Variants in DAPK2 observed in about 807,000 individuals in gnomAD.
DAPK2 encodes death-associated protein kinase 2.
DAPK2 carries 35 observed loss-of-function variants against 44.1 expected under a neutral mutation model. The observed-to-expected ratio is 0.79, with a 90% CI of 0.61 to 1.05. The LOEUF (loss-of-function observed/expected upper bound fraction) is 1.05, where lower values mean the gene tolerates loss of function less well. Among genes scored for constraint, DAPK2 ranks in the 50% least tolerant of loss-of-function variants. The pLI is 0.00. For synonymous variants in DAPK2, 174 were observed against 182.6 expected (o/e 0.95, Z 0.38); for missense variants, 453 against 483.2 (o/e 0.94, Z 0.59).
chr15:64,010,330 T>C (rs181531492), intron 1 of DAPK2, among the ~76,000 whole-genome samples: 1 of 152,182 alleles, frequency 6.6e-6, no homozygotes, highest in Non-Finnish European at 1.5e-5. Flanking sequence ...CCTATAAATA[T>C]CATTTTTAAC....
At chr15:63,940,606 G>T (rs757433690) in intron 3 of DAPK2, among the ~76,000 whole-genome samples, 1 of 152,108 alleles carries the variant, frequency 6.6e-6, no homozygotes, top group Non-Finnish European at 1.5e-5. Flanking sequence ...CAGCTGCTCG[G>T]GAGGCTGAGG....
intron 1 of DAPK2, among the ~76,000 whole-genome samples, chr15:63,993,749 TCA>T (rs1285222388): frequency 2.6e-5 from 4 of 152,104 alleles, no homozygotes; most frequent in Non-Finnish European, 4.4e-5. Context: ...CCTTGGGGCC[TCA>T]GTTTTCTCAT....
At chr15:64,028,302 G>C (rs903522337) in intron 1 of DAPK2, among the ~76,000 whole-genome samples, 1 of 152,178 alleles carries the variant, frequency 6.6e-6, no homozygotes, top group Non-Finnish European at 1.5e-5. Flanking sequence ...CAAGTGATCT[G>C]CCTGCCTTAG....
chr15:63,948,269 T>C, intron 3 of DAPK2, among the ~76,000 whole-genome samples: 1 of 4,968 alleles, frequency 2.0e-4, no homozygotes, highest in Non-Finnish European at 4.2e-4. Context: ...AGACTCCATC[T>C]CAAAAAAAAA....
intron 1 of DAPK2, among the ~76,000 whole-genome samples, chr15:64,037,233 G>A (rs1028911908): frequency 1.3e-5 from 2 of 151,984 alleles, no homozygotes; most frequent in South Asian, 2.1e-4. Context: ...TGCTTGCCCC[G>A]GCCTGCTTTC....
Position 63,916,921 on chromosome 15 carries a change from C to T in DAPK2, c.859-4724G>A, listed in dbSNP as rs1175837948. On this transcript the variant is annotated intron_variant, in intron 8 of 10. Coordinates refer to ENST00000261891, the Ensembl canonical transcript of DAPK2. This position sits in a 1 kb window ranked among gnomAD's most constrained non-coding sequence, Gnocchi z 4.7. ...GTAGCAACCAAATGCCACATGTGGA[C>T]TGTTTGGATCCTGATTTGAACAAAC... The T allele has an allele frequency of 6.6e-6, 1 of 152,190 alleles. No individual in the cohort carries two copies. Among genetic ancestry groups the T allele is most frequent in the African/African-American group, 2.4e-5 (1 of 41,432 alleles). The allele number at this position is 152,190 out of a possible 1,614,324, so 9.4% of individuals were successfully genotyped here.
In DAPK2 at chr15:63,966,189, T is replaced by C. The variant is rs143804970; in HGVS notation, c.453+5234A>G. 1.7e-3 allele frequency among the ~76,000 whole-genome samples: 264 copies of C among 152,336 alleles called. 2 individuals carry two copies. Among genetic ancestry groups the C allele is most frequent in the Middle Eastern group, 6.8e-3 (2 of 294 alleles). ...GGTCCTTCCCTTCAAGGCAGTGGAT[T>C]CCCTTCTGGCTCAGAGAGTGTCTAG... On this transcript the variant is annotated intron_variant, in intron 3 of 10. Transcript: ENST00000261891. The surrounding 1 kb of genome is among the most constrained non-coding windows in gnomAD (Gnocchi z 5.5).
intron 1 of DAPK2, among the ~76,000 whole-genome samples, chr15:64,004,737 C>T (rs544022501): frequency 6.6e-6 from 1 of 152,166 alleles, no homozygotes; most frequent in African/African-American, 2.4e-5. Context: ...GGCTCCAGGG[C>T]ACACATACAA....
At chr15:64,012,444 A>G (rs1444221094) in intron 1 of DAPK2, among the ~76,000 whole-genome samples, 3 of 152,246 alleles carry the variant, frequency 2.0e-5, no homozygotes, top group Non-Finnish European at 4.4e-5. Context: ...TACTTGGCAG[A>G]CAGCAGATGA....
At chr15:64,032,823 T>A (rs1332892730) in intron 1 of DAPK2, among the ~76,000 whole-genome samples, 1 of 152,000 alleles carries the variant, frequency 6.6e-6, no homozygotes, top group Non-Finnish European at 1.5e-5. Flanking sequence ...TGGTGGTTCA[T>A]GACTGTAATC....
chr15:63,964,089 T>C (rs1043208592), intron 3 of DAPK2, among the ~76,000 whole-genome samples: 9 of 152,358 alleles, frequency 5.9e-5, no homozygotes, highest in African/African-American at 2.2e-4. Context: ...AATGTCCTTT[T>C]CCTTTAGATT....
intron 1 of DAPK2, among the ~76,000 whole-genome samples, chr15:64,022,097 A>G (rs904918099): frequency 1.5e-4 from 23 of 152,186 alleles, no homozygotes; most frequent in African/African-American, 4.3e-4. Flanking sequence ...AAGGGAAGGG[A>G]AACATATTAG....
Position 63,967,705 on chromosome 15 carries a change from A to T in DAPK2, c.453+3718T>A, listed in dbSNP as rs182738464. Among the ~76,000 whole-genome samples the T allele has an allele frequency of 5.9e-5, 9 of 152,320 alleles. No individual in the cohort carries two copies. In the East Asian group the frequency reaches 1.5e-3, roughly 26 times the overall value. ...GACTCTGTCTCAAAAAGAAAAAAAA[A>T]TATCCATTTGTCGGCTCCCTGCAAC... On this transcript the variant is annotated intron_variant, in intron 3 of 10. Coordinates refer to ENST00000261891, the Ensembl canonical transcript of DAPK2.
intron 8 of DAPK2, among the ~76,000 whole-genome samples, chr15:63,914,162 G>A (rs2078865928): frequency 6.6e-6 from 1 of 151,924 alleles, no homozygotes; most frequent in African/African-American, 2.4e-5. Context: ...CCTTGAAAGG[G>A]TGTCAGGGCA....
intron 3 of DAPK2, among the ~76,000 whole-genome samples, chr15:63,945,513 G>A (rs1009164545): frequency 4.6e-5 from 7 of 152,248 alleles, no homozygotes; most frequent in African/African-American, 1.7e-4. Flanking sequence ...AGGAAGGAAC[G>A]GCACTAAGGG....
intron 6 of DAPK2, among the ~76,000 whole-genome samples, chr15:63,927,747 T>C (rs1316223666): frequency 6.6e-6 from 1 of 151,566 alleles, no homozygotes; most frequent in African/African-American, 2.4e-5. Context: ...GATTCCATTT[T>C]TTTTTTTTTT....
rs113724599 is a variant in DAPK2, at chr15:63,908,476, C to T, written c.*44G>A. The stretch of plus-strand genomic sequence containing the variant: ...CAAAAGTCTGCACAGAAGGGAGCCC[C>T]GCTGGGCCCAGACCTCCCTGGCGGC... On this transcript the variant is annotated 3_prime_UTR_variant, in exon 11 of 11. Coordinates refer to ENST00000261891, the Ensembl canonical transcript of DAPK2. The surrounding 1 kb of genome is among the most constrained non-coding windows in gnomAD (Gnocchi z 5.7). The T allele has an allele frequency of 0.039, 54,947 of 1,414,554 alleles. 1,202 individuals carry two copies. The highest frequency in any genetic ancestry group is 0.067 in the South Asian group (5,159 of 77,128). The allele number at this position is 1,414,554 out of a possible 1,614,324, so 87.6% of individuals were successfully genotyped here.
chr15:63,964,322 T>C (rs2077991992), intron 3 of DAPK2, among the ~76,000 whole-genome samples: 1 of 152,206 alleles, frequency 6.6e-6, no homozygotes, highest in Admixed American at 6.5e-5. Flanking sequence ...GCCAGACATA[T>C]TGGAGTTTCA....
At chr15:63,953,540 C>T (rs1056859616) in intron 3 of DAPK2, among the ~76,000 whole-genome samples, 3 of 152,180 alleles carry the variant, frequency 2.0e-5, no homozygotes, top group Non-Finnish European at 4.4e-5. Flanking sequence ...ACTTTGGTGG[C>T]TTCCAATTCT....
Sources: allele counts gnomAD v4.1 joint callset (sites outside exome capture counted in the v4.1 genomes callset), GRCh38; gene constraint gnomAD v4.1.1; non-coding constraint Gnocchi (gnomAD v3.1); transcripts MANE v1.5; gene names NCBI Gene and HGNC (gene_info 2026-07-23, HGNC 2026-07-21).